NBEA: variants seen among roughly 807,000 people sequenced by gnomAD.
The protein encoded by NBEA is neurobeachin.
A neutral mutation model predicts 343.4 loss-of-function variants in NBEA; 44 were observed. The ratio of observed to expected loss-of-function variants is 0.13; its 90% CI spans 0.10 to 0.16. NBEA has a LOEUF of 0.16. Among genes scored for constraint, NBEA ranks in the 10% least tolerant of loss-of-function variants. The pLI, the probability that NBEA is intolerant of heterozygous loss-of-function variation, is 1.00. For missense variants in NBEA, 2,555 were observed against 3,631.3 expected (o/e 0.70, Z 7.62); for synonymous variants, 1,175 against 1,238.7 (o/e 0.95, Z 1.08).
intron 33 of NBEA, among the ~76,000 whole-genome samples, chr13:35,229,030 G>A (rs1182064698): frequency 6.6e-6 from 1 of 151,974 alleles, no homozygotes; most frequent in East Asian, 1.9e-4. Flanking sequence ...AATAGTTTTT[G>A]TTTTTGTTTT....
intron 39 of NBEA, among the ~76,000 whole-genome samples, chr13:35,433,268 A>G (rs1208637202): frequency 2.0e-5 from 3 of 152,138 alleles, no homozygotes; most frequent in Non-Finnish European, 4.4e-5. Context: ...GTGATGGGGT[A>G]TATCAGAATT....
At chr13:35,252,016 A>G (rs763684040) in intron 34 of NBEA, among the ~76,000 whole-genome samples, 7 of 152,154 alleles carry the variant, frequency 4.6e-5, no homozygotes, top group Non-Finnish European at 1.0e-4. Flanking sequence ...AAGCACTTTC[A>G]TTTTTCTCAC....
intron 1 of NBEA, among the ~76,000 whole-genome samples, chr13:34,999,029 C>T (rs2061033375): frequency 6.6e-6 from 1 of 152,122 alleles, no homozygotes; most frequent in African/African-American, 2.4e-5. Flanking sequence ...TTATGTTCTT[C>T]TGCCATGGCT....
At chr13:35,237,868 T>G (rs1006789074) in intron 34 of NBEA, among the ~76,000 whole-genome samples, 1 of 152,196 alleles carries the variant, frequency 6.6e-6, no homozygotes, top group African/African-American at 2.4e-5. Flanking sequence ...CAGTTTTTAT[T>G]GTCGGTGTCC....
At chr13:35,312,528 CTG>C (rs2152834584) in intron 36 of NBEA, among the ~76,000 whole-genome samples, 1 of 152,256 alleles carries the variant, frequency 6.6e-6, no homozygotes, top group African/African-American at 2.4e-5. Context: ...TGCCATGAAA[CTG>C]TGCAAAGAAT....
At chr13:35,126,919 CAAAA>C (rs780669899) in intron 17 of NBEA, among the ~76,000 whole-genome samples, 2 of 58,550 alleles carry the variant, frequency 3.4e-5, no homozygotes, top group Non-Finnish European at 7.1e-5. Context: ...GACTCCATCT[CAAAA>C]AAAAAAAAAA....
At chr13:35,289,101 AC>A (rs1453140626) in intron 34 of NBEA, among the ~76,000 whole-genome samples, 1 of 151,912 alleles carries the variant, frequency 6.6e-6, no homozygotes, top group African/African-American at 2.4e-5. Flanking sequence ...TTTATCCACT[AC>A]CTACAATAAA....
intron 39 of NBEA, among the ~76,000 whole-genome samples, chr13:35,447,361 T>A (rs552167234): frequency 6.6e-6 from 1 of 152,300 alleles, no homozygotes; most frequent in South Asian, 2.1e-4. Flanking sequence ...GTTCTGCTGT[T>A]ACTTCACCTT....
chr13:35,151,114 T>TAAAAAA (rs11450264), intron 18 of NBEA, among the ~76,000 whole-genome samples: 2 of 134,818 alleles, frequency 1.5e-5, no homozygotes, highest in Non-Finnish European at 1.6e-5. Context: ...ACACTGGCTC[T>TAAAAAA]AAAAAAAAAA....
At position 34,942,912 on chromosome 13, in the gene NBEA, G is replaced by A. The variant is rs1461466688; in HGVS notation, c.92G>A (p.Gly31Asp). ...GGGGCCGCTGGCGGAGGCGGCGGGG[G>A]CAGCGGTGGTGGCGGCACCGGGGGC... ...AVGAAGGGGGGSGGGGTGGSG... is the reference protein window; with the variant it reads ...AVGAAGGGGGDSGGGGTGGSG... The change falls in exon 1 of 59, where the codon GGC becomes GAC. Residue 31 changes from glycine to aspartate, a missense_variant. This residue lies in a region of NBEA where 122 missense variants were observed against 91.0 expected (regional missense o/e 1.34). Coordinates refer to ENST00000379939, the MANE Select transcript of NBEA (RefSeq NM_001385012.1). 1.3e-6 allele frequency: 2 copies of A among 1,503,342 alleles called. No individual in the cohort carries two copies. The highest frequency in any genetic ancestry group is 1.8e-6 in the Non-Finnish European group (2 of 1,123,012). The allele number at this position is 1,503,342 out of a possible 1,614,324, so 93.1% of individuals were successfully genotyped here.
intron 38 of NBEA, among the ~76,000 whole-genome samples, chr13:35,396,804 C>T (rs563447722): frequency 3.9e-5 from 6 of 152,230 alleles, no homozygotes; most frequent in East Asian, 1.9e-4. Context: ...TCCTCCAAAC[C>T]GGAAGTAGAA....
At chr13:35,214,593 T>C (rs185397491) in intron 33 of NBEA, among the ~76,000 whole-genome samples, 1 of 151,906 alleles carries the variant, frequency 6.6e-6, no homozygotes, top group East Asian at 1.9e-4. Flanking sequence ...TCTTCATATA[T>C]GTCCTTTGTG....
chr13:35,380,007 G>A (rs962654132), intron 38 of NBEA, among the ~76,000 whole-genome samples: 8 of 152,280 alleles, frequency 5.3e-5, no homozygotes, highest in African/African-American at 1.9e-4. Context: ...CTGCAAATAA[G>A]TGTTAGGATT....
rs111875524 is a variant in NBEA at position 35,060,637 on chromosome 13, A to G, written c.1239+1774A>G. Among the ~76,000 whole-genome samples the G allele has an allele frequency of 3.1e-3, 474 of 151,854 alleles. 2 individuals are homozygous for G. The highest frequency in any genetic ancestry group is 0.011 in the African/African-American group (451 of 41,510). On this transcript the variant is annotated intron_variant, in intron 8 of 58. Transcript: ENST00000379939. Reference sequence around the variant, plus strand: ...TGATGATAAATCCACGGGTAAATGCATTTTCTCAATTTGTAAATATTATAA... The same window carrying G: ...TGATGATAAATCCACGGGTAAATGCGTTTTCTCAATTTGTAAATATTATAA...
At chr13:35,591,035 C>T (rs748698899) in intron 46 of NBEA, among the ~76,000 whole-genome samples, 2 of 152,114 alleles carry the variant, frequency 1.3e-5, no homozygotes, top group South Asian at 2.1e-4. Context: ...TGGTACAGTG[C>T]GTAAAGCTGG....
intron 46 of NBEA, among the ~76,000 whole-genome samples, chr13:35,585,131 T>TAAAAAAAAAAAAAG (rs775053482): frequency 1.4e-5 from 1 of 71,448 alleles, no homozygotes; most frequent in Non-Finnish European, 2.4e-5. Context: ...TCACTGACCT[T>TAAAAAAAAAAAAAG]AAAAAAAAAA....
intron 35 of NBEA, among the ~76,000 whole-genome samples, 189 bp from the exon 36 acceptor site, chr13:35,309,339 C>T (rs998967455): frequency 4.6e-5 from 7 of 151,878 alleles, no homozygotes; most frequent in African/African-American, 1.7e-4. Context: ...ATCAAAAGCA[C>T]CTTATAAACT....
chr13:35,019,768 T>C (rs2061771505), intron 1 of NBEA, among the ~76,000 whole-genome samples: 3 of 152,210 alleles, frequency 2.0e-5, no homozygotes, highest in Non-Finnish European at 4.4e-5. Flanking sequence ...GTCTTTTTAA[T>C]ATAAGTTGTC....
At chr13:35,166,456 T>C (rs888540812) in intron 24 of NBEA, among the ~76,000 whole-genome samples, 10 of 152,174 alleles carry the variant, frequency 6.6e-5, no homozygotes, top group Non-Finnish European at 1.2e-4. Context: ...TAGTTTGGAA[T>C]TTAAAATTAT....
Sources: gnomAD v4.1 joint callset for allele counts (sites outside exome capture counted in the v4.1 genomes callset) on GRCh38, gnomAD v4.1.1 for gene constraint, gnomAD v4.1.1 regional missense constraint, MANE v1.5 for transcripts, NCBI Gene and HGNC (gene_info 2026-07-23, HGNC 2026-07-21) for gene names.